Variants in NAV1 observed in about 807,000 individuals in gnomAD.
NAV1 encodes pore membrane and/or filament interacting like protein 3.
In NAV1, 18 loss-of-function variants were observed where a neutral mutation model predicts 175.2. That is an observed-to-expected ratio of 0.10 (90% CI 0.07 to 0.15). The LOEUF is 0.15. NAV1 is among the 10% of genes least tolerant of loss of function. The probability of loss-of-function intolerance (pLI) is 1.00; values close to 1 mark genes in which losing one functional copy is unlikely to be tolerated. For missense variants in NAV1, 1,731 were observed against 2,436.6 expected, an observed-to-expected ratio of 0.71 and a Z score of 6.10; for synonymous variants, 897 against 978.7, an observed-to-expected ratio of 0.92 and a Z score of 1.56.
chr1:201,739,450 A>C (rs1673260910), intron 3 of NAV1: 1 of 152,394 alleles, frequency 6.6e-6, no homozygotes, highest in Non-Finnish European at 1.5e-5. Context: ...AAATTTCTAA[A>C]AGCCTGGAAA....
Position 201,808,700 on chromosome 1 carries a change from C to T in NAV1, c.4039-3C>T. On this transcript the variant is annotated splice_polypyrimidine_tract_variant and splice_region_variant and intron_variant, in intron 19 of 29. Transcript: ENST00000367296. The surrounding 1 kb of genome is among the most constrained non-coding windows in gnomAD (Gnocchi z 5.5). ...CACCCTACCCTGTCTGTTCTTGCCA[C>T]AGTTGGAGGTGGACCTGCTGAAAGC... 1.2e-6 allele frequency: 2 copies of T among 1,614,234 alleles called. No homozygotes were observed. The highest frequency in any genetic ancestry group is 8.5e-7 in the Non-Finnish European group (1 of 1,180,044).
intron 2 of NAV1, among the ~76,000 whole-genome samples, chr1:201,599,760 CA>C (rs1042048305): frequency 6.6e-6 from 1 of 152,170 alleles, no homozygotes; most frequent in African/African-American, 2.4e-5. Flanking sequence ...GGCTCAGGGA[CA>C]GGGGGAGGGA....
At chr1:201,549,486 G>A (rs947795021) in intron 1 of NAV1, among the ~76,000 whole-genome samples, 3 of 152,216 alleles carry the variant, frequency 2.0e-5, no homozygotes, top group Non-Finnish European at 2.9e-5. Context: ...TGGGATTACA[G>A]GCATGCGCCA....
chr1:201,642,339 A>G (rs1301788839), intron 2 of NAV1, among the ~76,000 whole-genome samples: 1 of 151,486 alleles, frequency 6.6e-6, no homozygotes, highest in Non-Finnish European at 1.5e-5. Flanking sequence ...CAGCCTCCCA[A>G]GTAGCTGGGA....
rs186732393 is a variant in NAV1, at chr1:201,594,496, C to T, written c.-33+5847C>T. The stretch of plus-strand genomic sequence containing the variant: ...GACTTTGAGTAGCCAGAGGCGAAGC[C>T]GGGTTAGTCTTTGGTGGCAGAGCTC... On this transcript the variant is annotated intron_variant, in intron 2 of 33. Transcript: ENST00000685211. Among the ~76,000 whole-genome samples the T allele has an allele frequency of 1.4e-4, 22 of 152,302 alleles. No individual in the cohort carries two copies. The East Asian group carries it at 3.3e-3, about 23-fold the overall frequency.
At chr1:201,648,606 C>A in exon 1 of NAV1, 1 of 1,286,032 alleles carries the variant, frequency 7.8e-7, no homozygotes, top group East Asian at 3.1e-5. Context: ...GCGCTCCCGC[C>A]CCCTGCCCCC....
At chr1:201,555,715 G>A (rs917021217) in intron 1 of NAV1, among the ~76,000 whole-genome samples, 1 of 151,998 alleles carries the variant, frequency 6.6e-6, no homozygotes, top group Non-Finnish European at 1.5e-5. Context: ...GAATCAAAAG[G>A]CCCTCTTCCT....
intron 1 of NAV1, among the ~76,000 whole-genome samples, chr1:201,678,982 AG>A (rs1670365449): frequency 6.6e-6 from 1 of 151,988 alleles, no homozygotes; most frequent in Non-Finnish European, 1.5e-5. Flanking sequence ...GTGGAGACAA[AG>A]GTCGGGGAGC....
chr1:201,675,346 C>G (rs1046060200), intron 1 of NAV1, among the ~76,000 whole-genome samples: 4 of 152,210 alleles, frequency 2.6e-5, no homozygotes, highest in Non-Finnish European at 5.9e-5. Flanking sequence ...TCCTGAGATC[C>G]CTGCCCCGGG....
upstream of NAV1, among the ~76,000 whole-genome samples, chr1:201,622,349 A>G (rs1460565430): frequency 6.6e-6 from 1 of 152,212 alleles, no homozygotes; most frequent in Non-Finnish European, 1.5e-5. Flanking sequence ...AGCATGTGGA[A>G]GAAGGTTGCA....
At chr1:201,776,790 T>C (rs971805437) in intron 3 of NAV1, among the ~76,000 whole-genome samples, 2 of 152,050 alleles carry the variant, frequency 1.3e-5, no homozygotes, top group African/African-American at 4.8e-5. Flanking sequence ...AAAAAATTTT[T>C]GATAAAATTT....
chr1:201,561,893 G>A (rs894180485), intron 1 of NAV1, among the ~76,000 whole-genome samples: 1 of 152,234 alleles, frequency 6.6e-6, no homozygotes, highest in South Asian at 2.1e-4. Flanking sequence ...CTTGGTCACA[G>A]CATGAGACTA....
chr1:201,578,267 T>C (rs1387518302), intron 1 of NAV1, among the ~76,000 whole-genome samples: 2 of 146,136 alleles, frequency 1.4e-5, no homozygotes, highest in Non-Finnish European at 3.0e-5. Flanking sequence ...TTAATTCTAC[T>C]GTTGATCCCA....
rs144680852 is a variant in NAV1 at position 201,607,428 on chromosome 1, G to A, written c.-32-15425G>A. Among the ~76,000 whole-genome samples, 428 of 151,302 alleles carry A rather than the reference G, an allele frequency of 2.8e-3. 9 individuals are homozygous for A. Among genetic ancestry groups the A allele is most frequent in the East Asian group, 0.021 (109 of 5,090 alleles). ...CCATGCCAGGCCAAATAATTTTTGT[G>A]TAATGCATTCACATAATTGTTTACT... On this transcript the variant is annotated intron_variant, in intron 2 of 33. Transcript: ENST00000685211.
chr1:201,754,392 A>G (rs1674325115), intron 3 of NAV1, among the ~76,000 whole-genome samples: 1 of 152,222 alleles, frequency 6.6e-6, no homozygotes. Context: ...CGAGGCTAAC[A>G]GAGGGAAGAA....
intron 1 of NAV1, among the ~76,000 whole-genome samples, chr1:201,560,688 G>A (rs536312380): frequency 5.1e-4 from 78 of 152,360 alleles, no homozygotes; most frequent in Admixed American, 1.5e-3. Context: ...TGTTCCCGTG[G>A]AAAGACACTG....
At chr1:201,821,551 C>CACACACACAA (rs1491448398) in exon 30 of NAV1, 1 of 138,884 alleles carries the variant, frequency 7.2e-6, no homozygotes, top group Non-Finnish European at 1.6e-5. Context: ...CACACACACA[C>CACACACACAA]AAGACCTGGG....
chr1:201,678,500 C>CCT (rs1395246627), intron 1 of NAV1, among the ~76,000 whole-genome samples: 22 of 152,322 alleles, frequency 1.4e-4, no homozygotes, highest in African/African-American at 5.3e-4. Flanking sequence ...CGCTGGAAGT[C>CCT]ACAGAGTTGA....
rs1678808551 is a variant in NAV1 at position 201,813,323 on chromosome 1, T to C, written c.5340+65T>C. On this transcript the variant is annotated intron_variant, in intron 28 of 29. Transcript: ENST00000367296. The surrounding 1 kb of genome is among the most constrained non-coding windows in gnomAD (Gnocchi z 4.2). ...TGTCCTACCTAACAAAGTAGGAATG[T>C]TTCTTTAATGTTAGGCATGGGACTA... 9.3e-7 allele frequency: 1 copy of C among 1,079,678 alleles called. No individual in the cohort carries two copies. The highest frequency in any genetic ancestry group is 1.6e-5 in the African/African-American group (1 of 63,978). 66.9% of individuals were successfully genotyped at this position (1,079,678 alleles called of 1,614,324 possible).
Sources: gnomAD v4.1 joint callset for allele counts (sites outside exome capture counted in the v4.1 genomes callset) on GRCh38, gnomAD v4.1.1 for gene constraint, Gnocchi (gnomAD v3.1) non-coding constraint, MANE v1.5 for transcripts, NCBI Gene and HGNC (gene_info 2026-07-23, HGNC 2026-07-21) for gene names.